Variants in COL22A1 observed in about 807,000 individuals in gnomAD.
The protein encoded by COL22A1 is collagen alpha-1(XXII) chain.
Under a neutral mutation model 248.9 loss-of-function variants are expected in COL22A1, and 221 were observed. The ratio of observed to expected loss-of-function variants is 0.89; its 90% CI spans 0.80 to 0.99. COL22A1 has a LOEUF of 0.99. Among genes scored for constraint, COL22A1 ranks in the 50% least tolerant of loss-of-function variants. COL22A1 has a pLI of 0.00. For synonymous variants in COL22A1, 891 were observed against 793.4 expected (o/e 1.12, Z -2.07); for missense variants, 2,240 against 2,179.0 (o/e 1.03, Z -0.56).
At chr8:138,690,696 G>A (rs10089224) in intron 36 of COL22A1, 125 bp downstream of exon 36, 317,117 of 699,520 alleles carry the variant, frequency 0.45, 74,231 homozygotes, top group African/African-American at 0.61. Flanking sequence ...CAGTGTCTCC[G>A]TCTGGAAAAT....
intron 16 of COL22A1, among the ~76,000 whole-genome samples, chr8:138,774,125 C>G (rs1834623009): frequency 6.6e-6 from 1 of 152,032 alleles, no homozygotes; most frequent in Non-Finnish European, 1.5e-5. Context: ...CATGTGAAAG[C>G]TCTCGGAAGA....
At chr8:138,721,240 T>C (rs1829846429) in intron 26 of COL22A1, among the ~76,000 whole-genome samples, 1 of 152,352 alleles carries the variant, frequency 6.6e-6, no homozygotes, top group Middle Eastern at 3.4e-3. Flanking sequence ...AGTCTGTTTA[T>C]TGAAAAATGA....
intron 25 of COL22A1, among the ~76,000 whole-genome samples, chr8:138,723,755 C>A (rs1241064382): frequency 2.0e-5 from 3 of 152,220 alleles, no homozygotes; most frequent in Non-Finnish European, 4.4e-5. Context: ...AATTCATGTC[C>A]AGTACCCTTT....
At chr8:138,774,286 C>A (rs532218427) in intron 16 of COL22A1, among the ~76,000 whole-genome samples, 1 of 152,122 alleles carries the variant, frequency 6.6e-6, no homozygotes, top group East Asian at 1.9e-4. Context: ...GCAACGTGAG[C>A]GAGCCACAGA....
Position 138,835,288 on chromosome 8 carries a change from T to TA in COL22A1, c.734-2139dup, listed in dbSNP as rs148557507. ...TTAATGGAATTCATGATATAATTGT[T>TA]AAATGATATTGGGTCCTAAAGATGC... On this transcript the variant is annotated intron_variant, in intron 4 of 64. Transcript: ENST00000303045. Among the ~76,000 whole-genome samples the TA allele has an allele frequency of 2.8e-3, 427 of 152,380 alleles. 2 individuals carry two copies. The highest frequency in any genetic ancestry group is 9.6e-3 in the African/African-American group (401 of 41,592).
intron 39 of COL22A1, among the ~76,000 whole-genome samples, chr8:138,683,523 C>G (rs1826112718): frequency 6.6e-6 from 1 of 152,182 alleles, no homozygotes. Context: ...GCCCCAGTCT[C>G]CCCTGTGTGA....
In COL22A1 at chr8:138,649,669, T is replaced by A. The variant is rs1216848863; in HGVS notation, c.3443A>T (p.Lys1148Ile). 6.2e-7 allele frequency: 1 copy of A among 1,612,642 alleles called. No homozygotes were observed. The highest frequency in any genetic ancestry group is 1.7e-5 in the Admixed American group (1 of 59,802). ...GKPGREGTEG[K>I]KGEAGPPGLP... ...AGTTTCCCCTTTTCTCCTTACCTTT[T>A]TCCCTTCTGTGCCTTCTCTCCCTGG... The change falls in exon 46 of 65, where the codon AAA becomes ATA. Residue 1148 changes from lysine to isoleucine, a missense_variant. Coordinates refer to ENST00000303045, the MANE Select transcript of COL22A1 (RefSeq NM_152888.3).
intron 52 of COL22A1, among the ~76,000 whole-genome samples, chr8:138,621,946 C>A (rs1247494935): frequency 6.6e-6 from 1 of 152,182 alleles, no homozygotes; most frequent in Non-Finnish European, 1.5e-5. Context: ...TCAATTTGCT[C>A]AGTTGCTACA....
At chr8:138,590,452 T>C (rs770034037) in intron 64 of COL22A1, among the ~76,000 whole-genome samples, 5 of 152,202 alleles carry the variant, frequency 3.3e-5, no homozygotes, top group Non-Finnish European at 7.3e-5. Context: ...TGTTCTGCCA[T>C]TTACTCTTTA....
At chr8:138,802,750 A>G in intron 11 of COL22A1, 122 bp downstream of exon 11, 1 of 763,990 alleles carries the variant, frequency 1.3e-6, no homozygotes, top group South Asian at 1.4e-5. Flanking sequence ...GTGGTGTGGG[A>G]GTAGTGCCTG....
intron 3 of COL22A1, among the ~76,000 whole-genome samples, chr8:138,847,507 A>G (rs967294340): frequency 5.3e-5 from 8 of 152,208 alleles, no homozygotes; most frequent in Middle Eastern, 3.2e-3. Flanking sequence ...GTCTAAGTCA[A>G]TTATGATTAT....
intron 56 of COL22A1, among the ~76,000 whole-genome samples, chr8:138,612,254 G>C (rs1818922971): frequency 6.6e-6 from 1 of 152,144 alleles, no homozygotes; most frequent in Non-Finnish European, 1.5e-5. Context: ...ATAATATATA[G>C]AGAGACACAG....
At chr8:138,677,545 T>G (rs1716758312) in intron 40 of COL22A1, among the ~76,000 whole-genome samples, 2 of 111,446 alleles carry the variant, frequency 1.8e-5, no homozygotes, top group African/African-American at 7.8e-5. Context: ...TCCTCAGCCC[T>G]TAAAAACAAG....
At position 138,616,896 on chromosome 8, in the gene COL22A1, A is replaced by T. The variant is rs1819372284; in HGVS notation, c.3870+18T>A. ...TCTGCCCACCTGGGGGGACCTCCAAAGTGAGGCGCCCACTTACCCGGGGAC... is the reference window on the plus strand; with the variant it reads ...TCTGCCCACCTGGGGGGACCTCCAATGTGAGGCGCCCACTTACCCGGGGAC... On this transcript the variant is annotated intron_variant, in intron 54 of 64. Transcript: ENST00000303045. The T allele has an allele frequency of 6.2e-7, 1 of 1,613,900 alleles. No individual in the cohort carries two copies. Among genetic ancestry groups the T allele is most frequent in the African/African-American group, 1.3e-5 (1 of 74,948 alleles).
intron 41 of COL22A1, among the ~76,000 whole-genome samples, chr8:138,666,048 T>C (rs1402334478): frequency 6.6e-6 from 1 of 152,056 alleles, no homozygotes; most frequent in African/African-American, 2.4e-5. Flanking sequence ...AATATATATA[T>C]ATAATTCTTA....
chr8:138,599,419 C>T (rs949172144), intron 60 of COL22A1, among the ~76,000 whole-genome samples: 8 of 152,288 alleles, frequency 5.3e-5, no homozygotes, highest in African/African-American at 1.9e-4. Flanking sequence ...GCGGAGGTTG[C>T]AGTGAGCCAA....
chr8:138,910,164 A>G (rs923870775), intron 1 of COL22A1, among the ~76,000 whole-genome samples: 11 of 152,248 alleles, frequency 7.2e-5, no homozygotes, highest in African/African-American at 2.4e-4. Flanking sequence ...TCAATTATTC[A>G]TTCATGTAGC....
At position 138,720,001 on chromosome 8, in the gene COL22A1, G is replaced by A. The variant is rs142928543; in HGVS notation, c.2355+738C>T. ...TGCGTGCACACACACAAATGCACAC[G>A]TGCACACTCACACCACACACACATG... On this transcript the variant is annotated intron_variant, in intron 27 of 64. Transcript: ENST00000303045. Among the ~76,000 whole-genome samples, 163 of 152,226 alleles carry A rather than the reference G, an allele frequency of 1.1e-3. 1 individual carries two copies. Among genetic ancestry groups the A allele is most frequent in the African/African-American group, 3.5e-3 (145 of 41,552 alleles).
intron 47 of COL22A1, among the ~76,000 whole-genome samples, chr8:138,644,867 G>A (rs1187784023): frequency 1.3e-5 from 2 of 152,104 alleles, no homozygotes; most frequent in Non-Finnish European, 2.9e-5. Flanking sequence ...TTCTGCTGGA[G>A]GCTATGCTTC....
Sources: gnomAD v4.1 joint callset for allele counts (sites outside exome capture counted in the v4.1 genomes callset) on GRCh38, gnomAD v4.1.1 for gene constraint, MANE v1.5 for transcripts, NCBI Gene and HGNC (gene_info 2026-07-23, HGNC 2026-07-21) for gene names.